TPR: variants seen among roughly 807,000 people sequenced by gnomAD.
TPR encodes nucleoprotein TPR.
In TPR, 51 loss-of-function variants were observed where a neutral mutation model predicts 316.1. The observed-to-expected ratio is 0.16, with a 90% CI of 0.13 to 0.20. The LOEUF is 0.20. Ranked by LOEUF, TPR falls within the 10% of genes least tolerant of loss-of-function variation. The pLI is 1.00. For synonymous variants in TPR, 981 were observed against 914.7 expected (o/e 1.07, Z -1.31); for missense variants, 2,272 against 2,754.8 (o/e 0.82, Z 3.92).
At chr1:186,319,748 T>C (rs1173254865) in intron 46 of TPR, among the ~76,000 whole-genome samples, 1 of 152,186 alleles carries the variant, frequency 6.6e-6, no homozygotes, top group Non-Finnish European at 1.5e-5. Flanking sequence ...GTAATATGAA[T>C]TCCAACTGAG....
chr1:186,345,011 C>T (rs1455472760), intron 24 of TPR, among the ~76,000 whole-genome samples: 1 of 152,130 alleles, frequency 6.6e-6, no homozygotes, highest in African/African-American at 2.4e-5. Context: ...TACCAATATG[C>T]TCAAATGTAC....
intron 46 of TPR, among the ~76,000 whole-genome samples, chr1:186,319,970 A>T (rs1258777263): frequency 6.6e-6 from 1 of 152,218 alleles, no homozygotes; most frequent in African/African-American, 2.4e-5. Flanking sequence ...AACATGCTGC[A>T]TTCCTTCCAA....
Position 186,356,443 on chromosome 1 carries a change from A to G in TPR, c.1731T>C (p.Thr577=), listed in dbSNP as rs1464982726. The change falls in exon 15 of 51, where the codon ACT becomes ACC. Residue 577 remains threonine (T), a synonymous_variant. Transcript: ENST00000367478. ...EEQETTSSKI[T]ELQLKLESAL... is the part of the protein sequence containing the mutation. ...CACTCTCAAGTTTGAGCTGAAGCTC[A>G]GTGATTCTGTAGAAAAAGTCGGCCT... The G allele has an allele frequency of 6.2e-7, 1 of 1,606,402 alleles. No individual in the cohort carries two copies. The highest frequency in any genetic ancestry group is 1.1e-5 in the South Asian group (1 of 90,452).
chr1:186,314,429 T>C (rs1373023320), intron 50 of TPR, 200 bp downstream of exon 50: 2 of 386,002 alleles, frequency 5.2e-6, no homozygotes, highest in African/African-American at 4.1e-5. Flanking sequence ...TATAAGCACA[T>C]ATTTATTATA....
At chr1:186,317,230 A>G (rs1657637301) in intron 49 of TPR, among the ~76,000 whole-genome samples, 1 of 152,230 alleles carries the variant, frequency 6.6e-6, no homozygotes, top group South Asian at 2.1e-4. Context: ...AATAGTCTAG[A>G]TGAAACATGA....
rs1032907170 is a variant in TPR, at chr1:186,364,759, T to C, written c.428-1314A>G. On this transcript the variant is annotated intron_variant, in intron 4 of 50. Coordinates refer to ENST00000367478, the MANE Select transcript of TPR (RefSeq NM_003292.3). ...AAATCATTGAGAAAGGTTATATGCC[T>C]GCACCAGGTTTTTAATGCAGATAGA... Among the ~76,000 whole-genome samples the C allele has an allele frequency of 3.3e-5, 5 of 152,198 alleles. 1 individual carries two copies. The highest frequency in any genetic ancestry group is 7.2e-5 in the African/African-American group (3 of 41,440).
rs189194086 is a variant in TPR, at chr1:186,317,550, G to T, written c.6872C>A (p.Pro2291Gln). Residue 2291 changes from proline (P) to glutamine (Q), a missense_variant, in exon 49 of 51, where the codon CCG (proline) becomes CAG (glutamine). Transcript: ENST00000367478. ...LEIDSQQEEE[P>Q]VQASDESDLP... ...ATCTGACTCATCAGATGCTTGAACC[G>T]GCTCTTCTTCCTGCTGGCTATCAAT... 3 of 1,614,038 alleles carry T rather than the reference G, an allele frequency of 1.9e-6. No homozygotes were observed. The highest frequency in any genetic ancestry group is 2.2e-5 in the East Asian group (1 of 44,866).
At chr1:186,359,222 A>G (rs778308505) in intron 12 of TPR, among the ~76,000 whole-genome samples, 2 of 152,144 alleles carry the variant, frequency 1.3e-5, no homozygotes, top group Non-Finnish European at 2.9e-5. Context: ...TAGTTGTACC[A>G]TAAGGCAAAA....
At chr1:186,351,203 G>A (rs1658851946) in intron 20 of TPR, 127 bp downstream of exon 20, 1 of 1,115,390 alleles carries the variant, frequency 9.0e-7, no homozygotes, top group Non-Finnish European at 1.2e-6. Flanking sequence ...TATAGAGTGA[G>A]GCAAGAAAAA....
At chr1:186,316,623 T>C (rs530233809) in intron 49 of TPR, among the ~76,000 whole-genome samples, 27 of 152,270 alleles carry the variant, frequency 1.8e-4, no homozygotes, top group Non-Finnish European at 1.8e-4. Context: ...TTGAGATAGA[T>C]GAGCTAGTAT....
intron 4 of TPR, among the ~76,000 whole-genome samples, chr1:186,365,675 C>T (rs1659322665): frequency 6.6e-6 from 1 of 152,106 alleles, no homozygotes; most frequent in Non-Finnish European, 1.5e-5. Flanking sequence ...TTTTTCATTA[C>T]AGAAAAAGTT....
At chr1:186,356,221 T>A (rs1659024910) in intron 15 of TPR, 65 bp downstream of exon 15, 1 of 1,418,412 alleles carries the variant, frequency 7.1e-7, no homozygotes, top group Admixed American at 2.3e-5. Context: ...TTGCTTATGT[T>A]GCAAAATTAA....
intron 42 of TPR, among the ~76,000 whole-genome samples, chr1:186,325,362 C>A (rs1363953051): frequency 6.6e-6 from 1 of 152,100 alleles, no homozygotes; most frequent in Non-Finnish European, 1.5e-5. Flanking sequence ...ATCTTTTATT[C>A]ATTGGAAAAG....
chr1:186,348,777 A>G (rs1434440540), intron 21 of TPR, among the ~76,000 whole-genome samples: 1 of 152,200 alleles, frequency 6.6e-6, no homozygotes, highest in Non-Finnish European at 1.5e-5. Flanking sequence ...TGTTCTCCCA[A>G]TAATTAAACA....
chr1:186,331,610 C>T, intron 38 of TPR, 29 bp from the exon 39 acceptor site: 1 of 1,494,504 alleles, frequency 6.7e-7, no homozygotes, highest in Non-Finnish European at 9.2e-7. Flanking sequence ...ATATATTAAC[C>T]ATATCAGTGT....
rs766994588 is a variant in TPR, at chr1:186,312,941, A to G, written c.*1030T>C. ...TCCCAAGGAGGTGATATCATTTGTG[A>G]AAACATGAAGATAAAGTAAAAATGC... On this transcript the variant is annotated 3_prime_UTR_variant, in exon 51 of 51. Coordinates refer to ENST00000367478, the MANE Select transcript of TPR (RefSeq NM_003292.3). 4.6e-5 allele frequency: 72 copies of G among 1,571,386 alleles called. No homozygotes were observed. The highest frequency in any genetic ancestry group is 6.0e-5 in the Non-Finnish European group (69 of 1,141,834).
At chr1:186,323,975 G>T in intron 42 of TPR, 105 bp from the exon 43 acceptor site, 1 of 1,201,818 alleles carries the variant, frequency 8.3e-7, no homozygotes, top group Non-Finnish European at 1.1e-6. Flanking sequence ...TTCACCGTAC[G>T]AATATTTTCA....
chr1:186,357,816 T>C (rs1247206102), intron 13 of TPR, among the ~76,000 whole-genome samples, 193 bp from the exon 14 acceptor site: 1 of 152,192 alleles, frequency 6.6e-6, no homozygotes, highest in African/African-American at 2.4e-5. Flanking sequence ...AAAATTACTT[T>C]TAAGTATGTA....
At chr1:186,356,824 C>T (rs1659042489) in intron 14 of TPR, among the ~76,000 whole-genome samples, 1 of 152,180 alleles carries the variant, frequency 6.6e-6, no homozygotes, top group South Asian at 2.1e-4. Context: ...AGCCGGTCTG[C>T]TCCCTGAAAT....
Sources: gnomAD v4.1 joint callset for allele counts (sites outside exome capture counted in the v4.1 genomes callset) on GRCh38, gnomAD v4.1.1 for gene constraint, MANE v1.5 for transcripts, NCBI Gene and HGNC (gene_info 2026-07-23, HGNC 2026-07-21) for gene names.